Variants in DOCK1 observed in about 807,000 individuals in gnomAD.
DOCK1 encodes the protein dedicator of cytokinesis 1, also known as dedicator of cytokinesis protein 1.
In DOCK1, 138 loss-of-function variants were observed where a neutral mutation model predicts 262.7. The ratio of observed to expected loss-of-function variants is 0.53; its 90% CI spans 0.46 to 0.61. The LOEUF (loss-of-function observed/expected upper bound fraction) is 0.61, where lower values mean the gene tolerates loss of function less well. DOCK1 is among the 20% of genes least tolerant of loss of function. DOCK1 has a pLI of 0.00. For missense variants in DOCK1, 1,908 were observed against 2,370.7 expected, an observed-to-expected ratio of 0.80 and a Z score of 4.05; for synonymous variants, 866 against 867.4, an observed-to-expected ratio of 1.00 and a Z score of 0.03.
intron 27 of DOCK1, chr10:127,138,011 C>T: frequency 6.2e-7 from 1 of 1,608,410 alleles, no homozygotes; most frequent in African/African-American, 1.3e-5. Flanking sequence ...GCTTAAAATC[C>T]AGCTCCACAC....
chr10:127,191,024 C>G (rs2056719052), intron 27 of DOCK1, among the ~76,000 whole-genome samples: 1 of 152,102 alleles, frequency 6.6e-6, no homozygotes, highest in Non-Finnish European at 1.5e-5. Context: ...CAGACTATGC[C>G]TCCACTCTCT....
chr10:126,969,369 G>A (rs1390300941), intron 1 of DOCK1, among the ~76,000 whole-genome samples: 1 of 152,196 alleles, frequency 6.6e-6, no homozygotes, highest in African/African-American at 2.4e-5. Context: ...GGACTTTACA[G>A]CCTGAGGTGC....
chr10:127,036,981 G>GAAAAAAAAAAAAAAAAAAAAAAAAA (rs11429952), intron 18 of DOCK1, among the ~76,000 whole-genome samples: 1 of 128,036 alleles, frequency 7.8e-6, no homozygotes, highest in Non-Finnish European at 1.6e-5. Context: ...CCATCTCAAG[G>GAAAAAAAAAAAAAAAAAAAAAAAAA]AAAAAAAAAA....
chr10:127,381,025 A>C (rs1238540692), intron 36 of DOCK1, among the ~76,000 whole-genome samples: 5 of 152,226 alleles, frequency 3.3e-5, no homozygotes, highest in Non-Finnish European at 7.3e-5. Flanking sequence ...CTCATTAAAA[A>C]TGTTTAAGGG....
intron 1 of DOCK1, among the ~76,000 whole-genome samples, chr10:126,915,251 T>C (rs949216168): frequency 6.6e-6 from 1 of 152,200 alleles, no homozygotes; most frequent in Non-Finnish European, 1.5e-5. Context: ...TGAAAGTCAC[T>C]TGGCAGAACA....
intron 27 of DOCK1, among the ~76,000 whole-genome samples, chr10:127,155,146 G>A (rs1592264943): frequency 6.6e-6 from 1 of 152,190 alleles, no homozygotes; most frequent in East Asian, 1.9e-4. Flanking sequence ...GTGCACAGAA[G>A]GTCTTCTGTC....
chr10:127,264,042 CAT>C (rs2060269465), intron 29 of DOCK1, among the ~76,000 whole-genome samples: 1 of 152,162 alleles, frequency 6.6e-6, no homozygotes, highest in African/African-American at 2.4e-5. Context: ...ATTTCTACAA[CAT>C]GTGGTGGGTG....
intron 12 of DOCK1, among the ~76,000 whole-genome samples, chr10:127,017,500 G>GACACACACACACAGACACAC (rs139215919): frequency 6.7e-6 from 1 of 150,188 alleles, no homozygotes; most frequent in Admixed American, 6.6e-5. Flanking sequence ...GATACACAGA[G>GACACACACACACAGACACAC]ACACACACAG....
intron 27 of DOCK1, among the ~76,000 whole-genome samples, chr10:127,197,766 C>T (rs1204839757): frequency 6.6e-6 from 1 of 152,216 alleles, no homozygotes; most frequent in Non-Finnish European, 1.5e-5. Flanking sequence ...GCCATAGCTC[C>T]ATCCTTGTTC....
chr10:127,027,328 C>T (rs2042936772), intron 16 of DOCK1, among the ~76,000 whole-genome samples: 1 of 152,248 alleles, frequency 6.6e-6, no homozygotes, highest in African/African-American at 2.4e-5. Flanking sequence ...GGTGCCGTGG[C>T]TCACACCTGT....
In DOCK1 at chr10:127,386,730, C is replaced by T. The variant is rs115928713; in HGVS notation, c.3927+1821C>T. 2.0e-3 allele frequency among the ~76,000 whole-genome samples: 311 copies of T among 152,148 alleles called. 2 individuals carry two copies. Among genetic ancestry groups the T allele is most frequent in the African/African-American group, 7.2e-3 (299 of 41,498 alleles). ...GTAATAATAATAGAAATAAAGTACACGATCAATGTAATGCCCGTGAATCAT... is the reference window on the plus strand; with the variant it reads ...GTAATAATAATAGAAATAAAGTACATGATCAATGTAATGCCCGTGAATCAT... On this transcript the variant is annotated intron_variant, in intron 38 of 51. Transcript: ENST00000623213.
intron 30 of DOCK1, among the ~76,000 whole-genome samples, chr10:127,341,139 G>T (rs546295858): frequency 3.0e-4 from 45 of 152,256 alleles, no homozygotes; most frequent in Middle Eastern, 3.4e-3. Context: ...TGGGATTTCT[G>T]TAGTTAGTAT....
chr10:127,062,891 TC>T (rs1312875424), intron 23 of DOCK1, among the ~76,000 whole-genome samples: 13 of 152,166 alleles, frequency 8.5e-5, no homozygotes, highest in Non-Finnish European at 1.5e-5. Context: ...CTGTCCTTCT[TC>T]CCTCTTTTGA....
rs531390117 is a variant in DOCK1 at position 127,446,905 on chromosome 10, G to A, written c.5414-489G>A. Among the ~76,000 whole-genome samples the A allele has an allele frequency of 6.6e-6, 1 of 152,296 alleles. No individual in the cohort carries two copies. The highest frequency in any genetic ancestry group is 6.5e-5 in the Admixed American group (1 of 15,308). On this transcript the variant is annotated intron_variant, in intron 50 of 51. Coordinates refer to ENST00000623213, the MANE Select transcript of DOCK1 (RefSeq NM_001290223.2). This position sits in a 1 kb window ranked among gnomAD's most constrained non-coding sequence, Gnocchi z 4.4. ...TCATACGACTGTGGATTTTCCTGTG[G>A]AAAGAGATGGGAAGCTGGGTGGCTG...
intron 29 of DOCK1, among the ~76,000 whole-genome samples, chr10:127,304,507 A>G (rs1194064033): frequency 2.0e-5 from 3 of 152,188 alleles, no homozygotes; most frequent in Admixed American, 6.5e-5. Context: ...AATCCCCCAC[A>G]GAGACAATAA....
intron 20 of DOCK1, 125 bp downstream of exon 20, chr10:127,042,839 C>T (rs911022694): frequency 9.4e-7 from 1 of 1,067,048 alleles, no homozygotes. Flanking sequence ...TAAATCCAAT[C>T]AGAGATGAAT....
intron 23 of DOCK1, among the ~76,000 whole-genome samples, chr10:127,093,239 C>CTTTCTTTCTTTCTTTCT (rs372397425): frequency 3.2e-5 from 3 of 94,262 alleles, no homozygotes; most frequent in Admixed American, 1.1e-4. Flanking sequence ...TTCTTTCTTT[C>CTTTCTTTCTTTCTTTCT]TTCTTTTTTT....
chr10:127,223,429 A>T (rs2058514912), intron 27 of DOCK1, among the ~76,000 whole-genome samples: 1 of 152,280 alleles, frequency 6.6e-6, no homozygotes, highest in African/African-American at 2.4e-5. Flanking sequence ...GAATGTTAAT[A>T]TTACAGATCG....
intron 35 of DOCK1, among the ~76,000 whole-genome samples, chr10:127,378,630 A>G (rs571479639): frequency 1.3e-5 from 2 of 152,228 alleles, no homozygotes; most frequent in South Asian, 2.1e-4. Context: ...TGAAGGTCGC[A>G]TGATATTCCC....
Sources: allele counts gnomAD v4.1 joint callset (sites outside exome capture counted in the v4.1 genomes callset), GRCh38; gene constraint gnomAD v4.1.1; non-coding constraint Gnocchi (gnomAD v3.1); transcripts MANE v1.5; gene names NCBI Gene and HGNC (gene_info 2026-07-23, HGNC 2026-07-21).